The following DIAPH2 variants were observed in gnomAD, a reference collection of about 807,000 sequenced individuals.
DIAPH2 encodes the protein diaphanous related formin 2.
DIAPH2 carries 35 observed loss-of-function variants against 92.7 expected under a neutral mutation model. The ratio of observed to expected loss-of-function variants is 0.38; its 90% CI spans 0.29 to 0.50. The LOEUF (loss-of-function observed/expected upper bound fraction) is 0.50. DIAPH2 is among the 20% of genes least tolerant of loss of function. The pLI is 0.94. For missense variants in DIAPH2, 701 were observed against 819.5 expected, an observed-to-expected ratio of 0.86 and a Z score of 1.77; for synonymous variants, 301 against 280.4, an observed-to-expected ratio of 1.07 and a Z score of -0.73.
intron 17 of DIAPH2, among the ~76,000 whole-genome samples, chrX:96,998,000 G>T (rs2066116386): frequency 8.9e-6 from 1 of 112,101 alleles, no homozygotes; most frequent in African/African-American, 3.2e-5. Flanking sequence ...TGTTACAAAT[G>T]CCATTGTCCA....
chrX:97,235,934 T>A (rs1160860375), intron 22 of DIAPH2, among the ~76,000 whole-genome samples: 2 of 111,949 alleles, frequency 1.8e-5, no homozygotes, highest in Admixed American at 1.9e-4. Flanking sequence ...TATTGCCAAT[T>A]TCTTATTTCA....
At chrX:97,215,100 G>T (rs935212082) in intron 22 of DIAPH2, among the ~76,000 whole-genome samples, 1 of 111,060 alleles carries the variant, frequency 9.0e-6, no homozygotes, top group Non-Finnish European at 1.9e-5. Context: ...TAGATGAATA[G>T]GTTTAGGTTT....
intron 26 of DIAPH2, among the ~76,000 whole-genome samples, chrX:97,562,369 G>A (rs1039861600): frequency 2.7e-5 from 3 of 109,714 alleles, no homozygotes. Context: ...AGCTGGGCAT[G>A]GTGGCGTGCG....
chrX:97,472,749 A>G (rs903615682), intron 26 of DIAPH2, among the ~76,000 whole-genome samples: 3 of 112,320 alleles, frequency 2.7e-5, no homozygotes, highest in African/African-American at 9.7e-5. Flanking sequence ...GAGCAATTGG[A>G]GGACAAGGAT....
chrX:97,011,674 G>A, intron 17 of DIAPH2, among the ~76,000 whole-genome samples: 1 of 109,984 alleles, frequency 9.1e-6, no homozygotes, highest in Non-Finnish European at 1.9e-5. Context: ...GATCACTTGA[G>A]GTCAGGAGTT....
intron 1 of DIAPH2, among the ~76,000 whole-genome samples, chrX:96,718,339 T>TTTTTTTTTTTG (rs2063966763): frequency 2.5e-5 from 1 of 40,027 alleles, no homozygotes; most frequent in East Asian, 7.2e-4. Flanking sequence ...TTTCTTTGTT[T>TTTTTTTTTTTG]TTTTTTTTTT....
chrX:97,214,398 G>A lies in DIAPH2; in HGVS notation c.2720-33317G>A, dbSNP rs2067865517. The stretch of plus-strand genomic sequence containing the variant: ...GCAGGAAGACTGCCTGCGCCCAGGA[G>A]TTTGAGGCCACAGTGAGCTACAATT... On this transcript the variant is annotated intron_variant, in intron 22 of 26. Coordinates refer to ENST00000324765, the MANE Select transcript of DIAPH2 (RefSeq NM_006729.5). Among the ~76,000 whole-genome samples the A allele has an allele frequency of 3.6e-5, 4 of 109,601 alleles. No individual in the cohort carries two copies. In the South Asian group the frequency reaches 1.6e-3, roughly 44 times the overall value.
chrX:97,458,050 A>G (rs2070423439), intron 26 of DIAPH2, among the ~76,000 whole-genome samples: 1 of 111,774 alleles, frequency 8.9e-6, no homozygotes, highest in African/African-American at 3.3e-5. Context: ...AGCAAAGAGG[A>G]AACCACAGTG....
At chrX:96,851,650 T>C (rs1166833367) in intron 4 of DIAPH2, among the ~76,000 whole-genome samples, 2 of 112,350 alleles carry the variant, frequency 1.8e-5, no homozygotes, top group Non-Finnish European at 3.8e-5. Context: ...AGTCTGTATA[T>C]GTTCGGTACA....
intron 4 of DIAPH2, among the ~76,000 whole-genome samples, chrX:96,876,733 G>A (rs753661692): frequency 1.9e-5 from 2 of 106,325 alleles, no homozygotes; most frequent in South Asian, 8.9e-4. Flanking sequence ...ACACAGGAAG[G>A]GCAACATCAC....
intron 23 of DIAPH2, among the ~76,000 whole-genome samples, chrX:97,322,242 GA>G (rs2068904561): frequency 8.9e-6 from 1 of 112,419 alleles, no homozygotes; most frequent in South Asian, 3.7e-4. Context: ...TTGTGAATTG[GA>G]GCCAATGTTC....
chrX:97,442,592 A>G (rs1338669779), intron 26 of DIAPH2: 1 of 112,574 alleles, frequency 8.9e-6, no homozygotes, highest in East Asian at 2.8e-4. Context: ...ATTTTCCTAA[A>G]TAGGGATAAG....
chrX:97,051,498 T>G (rs771910040), intron 17 of DIAPH2, among the ~76,000 whole-genome samples: 5 of 96,273 alleles, frequency 5.2e-5, no homozygotes, highest in Non-Finnish European at 8.2e-5. Context: ...GATATATAAC[T>G]GTCTTGCTTT....
chrX:97,017,049 T>C (rs2066265699), intron 17 of DIAPH2, among the ~76,000 whole-genome samples: 1 of 111,772 alleles, frequency 8.9e-6, no homozygotes, highest in African/African-American at 3.3e-5. Flanking sequence ...TACTTCTGTT[T>C]TTAACACCTT....
chrX:97,471,690 C>CAAAA (rs34891772), intron 26 of DIAPH2, among the ~76,000 whole-genome samples: 9 of 44,935 alleles, frequency 2.0e-4, no homozygotes, highest in East Asian at 7.1e-4. Flanking sequence ...AAATCCGTCT[C>CAAAA]AAAAAAAAAA....
At chrX:97,176,510 T>A (rs1256836382) in intron 22 of DIAPH2, among the ~76,000 whole-genome samples, 6 of 26,459 alleles carry the variant, frequency 2.3e-4, no homozygotes, top group Non-Finnish European at 4.3e-4. Context: ...TTTTTGTTTG[T>A]TTTGTTTTGT....
intron 22 of DIAPH2, among the ~76,000 whole-genome samples, chrX:97,236,723 T>G (rs1188807152): frequency 9.1e-6 from 1 of 109,305 alleles, no homozygotes; most frequent in Non-Finnish European, 1.9e-5. Context: ...TTTTTGTATT[T>G]TTAGTAGAGA....
chrX:96,872,502 T>C (rs892421902), intron 4 of DIAPH2, among the ~76,000 whole-genome samples: 1 of 106,003 alleles, frequency 9.4e-6, no homozygotes, highest in Non-Finnish European at 2.0e-5. Flanking sequence ...TCTTTTTTTT[T>C]TTTTTTTGAG....
chrX:97,237,717 T>G (rs997145890), intron 22 of DIAPH2, among the ~76,000 whole-genome samples: 1 of 110,466 alleles, frequency 9.1e-6, no homozygotes, highest in African/African-American at 3.3e-5. Context: ...CAGTAGCTGG[T>G]ACCACAGGCG....
Sources: gnomAD v4.1 joint callset for allele counts (sites outside exome capture counted in the v4.1 genomes callset) on GRCh38, gnomAD v4.1.1 for gene constraint, MANE v1.5 for transcripts, NCBI Gene and HGNC (gene_info 2026-07-23, HGNC 2026-07-21) for gene names.